The following IMMP2L variants were observed in gnomAD, a reference collection of about 807,000 sequenced individuals.
IMMP2L encodes inner mitochondrial membrane peptidase subunit 2.
IMMP2L carries 18 observed loss-of-function variants against 19.3 expected under a neutral mutation model. That is an observed-to-expected ratio of 0.93 (90% CI 0.64 to 1.38). IMMP2L has a LOEUF of 1.38. Ranked by LOEUF, IMMP2L falls within the 40% of genes most tolerant of loss-of-function variation. The pLI, the probability that IMMP2L is intolerant of heterozygous loss-of-function variation, is 0.00. For missense variants in IMMP2L, 233 were observed against 218.2 expected (o/e 1.07, Z -0.43); for synonymous variants, 76 against 73.0 (o/e 1.04, Z -0.21).
rs139352996 is a variant in IMMP2L at position 111,557,369 on chromosome 7, C to G, written c.-3+4482G>C. Among the ~76,000 whole-genome samples, 37 of 152,274 alleles carry G rather than the reference C, an allele frequency of 2.4e-4. No individual in the cohort carries two copies. The Middle Eastern group carries it at 0.017, about 70-fold the overall frequency. On this transcript the variant is annotated intron_variant, in intron 1 of 5. Transcript: ENST00000405709. ...TCCAGTTTCATCTAGGAAGTGTACCCTGAACTGGCTAACCAGTTTCATCTC... is the reference window on the plus strand; with the variant it reads ...TCCAGTTTCATCTAGGAAGTGTACCGTGAACTGGCTAACCAGTTTCATCTC...
intron 5 of IMMP2L, among the ~76,000 whole-genome samples, chr7:110,735,681 TACACACACACACACAC>T (rs3051068): frequency 5.2e-5 from 6 of 114,798 alleles, no homozygotes; most frequent in East Asian, 2.7e-4. Flanking sequence ...AGTAGACAAA[TACACACACACACACAC>T]ACACACACAC....
chr7:110,921,436 G>C (rs540187383), intron 4 of IMMP2L, among the ~76,000 whole-genome samples: 2 of 152,252 alleles, frequency 1.3e-5, no homozygotes, highest in South Asian at 4.1e-4. Context: ...TAACATCAAA[G>C]CAAGAGGTGA....
intron 3 of IMMP2L, among the ~76,000 whole-genome samples, chr7:110,972,898 G>T: frequency 6.6e-6 from 1 of 152,098 alleles, no homozygotes; most frequent in East Asian, 1.9e-4. Context: ...ATGAGGGAAA[G>T]TTTGGTTATC....
At chr7:110,784,819 G>T (rs538662107) in intron 5 of IMMP2L, among the ~76,000 whole-genome samples, 1 of 151,820 alleles carries the variant, frequency 6.6e-6, no homozygotes, top group Non-Finnish European at 1.5e-5. Flanking sequence ...TCTACTTAGA[G>T]CTCCCCTGTG....
At chr7:111,075,116 CTTTTTTTTTTTTTTT>C (rs55867543) in intron 3 of IMMP2L, among the ~76,000 whole-genome samples, 1 of 75,292 alleles carries the variant, frequency 1.3e-5, no homozygotes, top group Admixed American at 1.5e-4. Flanking sequence ...TGTTTTCAGA[CTTTTTTTTTTTTTTT>C]TTTTTTTTTT....
chr7:110,966,436 A>C, intron 3 of IMMP2L, among the ~76,000 whole-genome samples: 1 of 152,018 alleles, frequency 6.6e-6, no homozygotes, highest in Non-Finnish European at 1.5e-5. Context: ...TTTACTGCCT[A>C]ATATTGAGGT....
At chr7:111,235,181 C>T (rs905735949) in intron 3 of IMMP2L, among the ~76,000 whole-genome samples, 3 of 151,910 alleles carry the variant, frequency 2.0e-5, no homozygotes, top group African/African-American at 7.3e-5. Context: ...TATAAAATTC[C>T]ACATTGATGG....
rs1563252461 is a variant in IMMP2L, at chr7:111,485,617, A to AAAAAAAAAAAAAAAAAC, written c.239+1620_239+1621insGTTTTTTTTTTTTTTTT. Among the ~76,000 whole-genome samples the AAAAAAAAAAAAAAAAAC allele has an allele frequency of 2.0e-5, 3 of 147,064 alleles. 1 individual carries two copies. The highest frequency in any genetic ancestry group is 7.9e-5 in the African/African-American group (3 of 38,050). On this transcript the variant is annotated intron_variant, in intron 3 of 5. Coordinates refer to ENST00000405709, the MANE Select transcript of IMMP2L (RefSeq NM_032549.4). ...TGTTTCAAAAAAAAAAAAAAAAAAA[A>AAAAAAAAAAAAAAAAAC]AAAAAAAACACAGTTCAACTGGAAT...
intron 4 of IMMP2L, among the ~76,000 whole-genome samples, chr7:110,950,646 T>C (rs536003249): frequency 8.4e-4 from 127 of 151,678 alleles, no homozygotes; most frequent in Non-Finnish European, 1.4e-3. Flanking sequence ...TGCAACATTC[T>C]TCACAATAGC....
At position 110,814,428 on chromosome 7, in the gene IMMP2L, T is replaced by TA. The variant is rs1236520497; in HGVS notation, c.408+72164dup. On this transcript the variant is annotated intron_variant, in intron 5 of 5. Transcript: ENST00000405709. ...ATATGACCTTGAGGAAATATCAAAG[T>TA]AAAAAAAAAAAAACTATATAGTAAA... Among the ~76,000 whole-genome samples, 793 of 133,514 alleles carry TA rather than the reference T, an allele frequency of 5.9e-3. 7 individuals carry two copies. The highest frequency in any genetic ancestry group is 7.2e-3 in the African/African-American group (263 of 36,742). The allele number at this position is 133,514 out of a possible 152,430, so 87.6% of individuals were successfully genotyped here.
chr7:111,190,710 C>T (rs1286447015), intron 3 of IMMP2L, among the ~76,000 whole-genome samples: 1 of 152,114 alleles, frequency 6.6e-6, no homozygotes, highest in African/African-American at 2.4e-5. Context: ...AAAAGCCACA[C>T]TTTTCACTGA....
At chr7:110,913,259 AT>A (rs1013622867) in intron 4 of IMMP2L, among the ~76,000 whole-genome samples, 57 of 152,254 alleles carry the variant, frequency 3.7e-4, no homozygotes, top group African/African-American at 1.4e-3. Flanking sequence ...AGCTAAAAAT[AT>A]GACAATGAGA....
chr7:111,053,456 C>T (rs1793200943), intron 3 of IMMP2L, among the ~76,000 whole-genome samples: 1 of 152,214 alleles, frequency 6.6e-6, no homozygotes, highest in Non-Finnish European at 1.5e-5. Context: ...AATGTACATG[C>T]TTGAGCTCAC....
At chr7:110,759,217 T>A (rs919737954) in intron 5 of IMMP2L, among the ~76,000 whole-genome samples, 3 of 152,054 alleles carry the variant, frequency 2.0e-5, no homozygotes, top group Admixed American at 2.0e-4. Flanking sequence ...AACATCTCCT[T>A]CTTGTTCCTA....
chr7:111,179,984 G>A (rs1407762549), intron 3 of IMMP2L, among the ~76,000 whole-genome samples: 1 of 151,976 alleles, frequency 6.6e-6, no homozygotes, highest in Admixed American at 6.6e-5. Context: ...ATTGAAGAGA[G>A]TTAGGGCTTT....
At chr7:111,159,366 G>T (rs908650261) in intron 3 of IMMP2L, among the ~76,000 whole-genome samples, 1 of 151,926 alleles carries the variant, frequency 6.6e-6, no homozygotes. Context: ...CACCCACCTC[G>T]GCCTCCCAAA....
chr7:111,402,536 C>A (rs911672233), intron 3 of IMMP2L, among the ~76,000 whole-genome samples: 2 of 151,966 alleles, frequency 1.3e-5, no homozygotes, highest in South Asian at 2.1e-4. Flanking sequence ...CACAGTGAAA[C>A]CCCGTCTCTA....
intron 3 of IMMP2L, among the ~76,000 whole-genome samples, chr7:111,081,452 C>T (rs568173643): frequency 6.6e-6 from 1 of 152,282 alleles, no homozygotes; most frequent in Non-Finnish European, 1.5e-5. Flanking sequence ...GACATGCTAG[C>T]ACCTCTTTGT....
intron 3 of IMMP2L, among the ~76,000 whole-genome samples, chr7:111,149,076 G>C (rs1471190285): frequency 6.6e-6 from 1 of 152,066 alleles, no homozygotes; most frequent in Non-Finnish European, 1.5e-5. Context: ...ATTTTAAAGA[G>C]TACGTTAAAA....
Sources: gnomAD v4.1 joint callset for allele counts (sites outside exome capture counted in the v4.1 genomes callset) on GRCh38, gnomAD v4.1.1 for gene constraint, MANE v1.5 for transcripts, NCBI Gene and HGNC (gene_info 2026-07-23, HGNC 2026-07-21) for gene names.